The following CDH13 variants were observed in gnomAD, a reference collection of about 807,000 sequenced individuals.
The protein encoded by CDH13 is cadherin-13.
CDH13 carries 24 observed loss-of-function variants against 63.8 expected under a neutral mutation model. That is an observed-to-expected ratio of 0.38 (90% CI 0.27 to 0.53). The LOEUF (loss-of-function observed/expected upper bound fraction) is 0.53. Ranked by LOEUF, CDH13 falls within the 20% of genes least tolerant of loss-of-function variation. CDH13 has a pLI of 0.85. For missense variants in CDH13, 1,049 were observed against 903.1 expected (o/e 1.16, Z -2.07); for synonymous variants, 503 against 355.3 (o/e 1.42, Z -4.67).
At chr16:83,175,177 T>A (rs1331092459) in intron 4 of CDH13, among the ~76,000 whole-genome samples, 1 of 152,130 alleles carries the variant, frequency 6.6e-6, no homozygotes, top group Admixed American at 6.6e-5. Flanking sequence ...CTATTCTAGA[T>A]GCTTTATTCT....
At chr16:83,143,376 C>A (rs1395938381) in intron 4 of CDH13, among the ~76,000 whole-genome samples, 1 of 152,016 alleles carries the variant, frequency 6.6e-6, no homozygotes, top group African/African-American at 2.4e-5. Flanking sequence ...AATATGTATT[C>A]ATATACATAC....
chr16:82,639,487 T>C (rs1909120003), intron 1 of CDH13: 1 of 1,467,794 alleles, frequency 6.8e-7, no homozygotes, highest in African/African-American at 1.4e-5. Flanking sequence ...TGCTGCTGTG[T>C]CGTGTGGCTG....
At chr16:82,910,941 G>C (rs1254960808) in intron 2 of CDH13, among the ~76,000 whole-genome samples, 1 of 152,054 alleles carries the variant, frequency 6.6e-6, no homozygotes, top group Non-Finnish European at 1.5e-5. Context: ...ACATGACAGG[G>C]GTTTCTTTGA....
At chr16:82,999,529 C>G (rs1912632257) in intron 2 of CDH13, among the ~76,000 whole-genome samples, 1 of 148,850 alleles carries the variant, frequency 6.7e-6, no homozygotes, top group South Asian at 2.1e-4. Context: ...CCATAAAACA[C>G]TGGAAAAAAA....
At chr16:83,405,164 G>A (rs894671205) in intron 6 of CDH13, among the ~76,000 whole-genome samples, 11 of 151,900 alleles carry the variant, frequency 7.2e-5, no homozygotes, top group African/African-American at 2.7e-4. Context: ...ACAATTCTAT[G>A]TGCATTCTTT....
At chr16:82,779,846 C>T (rs1386326242) in intron 1 of CDH13, among the ~76,000 whole-genome samples, 3 of 140,752 alleles carry the variant, frequency 2.1e-5, no homozygotes, top group East Asian at 4.1e-4. Context: ...GGTGGGAGGT[C>T]ATGGCTCTCA....
At chr16:83,127,786 A>G (rs901499871) in intron 4 of CDH13, among the ~76,000 whole-genome samples, 72 of 152,136 alleles carry the variant, frequency 4.7e-4, no homozygotes, top group African/African-American at 1.5e-3. Flanking sequence ...TGCTAATCCA[A>G]TATCCTGGTA....
intron 7 of CDH13, among the ~76,000 whole-genome samples, chr16:83,500,206 G>A (rs963241289): frequency 1.3e-5 from 2 of 150,006 alleles, no homozygotes; most frequent in African/African-American, 4.9e-5. Flanking sequence ...TATCACATTT[G>A]AATTCAGACA....
intron 10 of CDH13, among the ~76,000 whole-genome samples, chr16:83,707,986 C>T (rs890305819): frequency 6.6e-6 from 1 of 152,244 alleles, no homozygotes; most frequent in Admixed American, 6.5e-5. Context: ...GCTTAAGCAG[C>T]AGCTGCCACC....
chr16:82,650,466 G>A (rs369399511), intron 1 of CDH13, among the ~76,000 whole-genome samples: 204 of 152,244 alleles, frequency 1.3e-3, no homozygotes, highest in African/African-American at 4.7e-3. Context: ...GGAGAAGCCT[G>A]CACACCACAG....
At chr16:82,818,277 G>A (rs760492349) in intron 1 of CDH13, among the ~76,000 whole-genome samples, 4 of 152,010 alleles carry the variant, frequency 2.6e-5, no homozygotes, top group African/African-American at 7.2e-5. Context: ...GAAGTTGCCC[G>A]GCCAAGGTCA....
chr16:83,218,877 A>C (rs1234254050), intron 5 of CDH13, among the ~76,000 whole-genome samples: 1 of 152,102 alleles, frequency 6.6e-6, no homozygotes, highest in East Asian at 1.9e-4. Flanking sequence ...AATAAGTCTC[A>C]TGAGATCTGA....
chr16:83,675,893 C>A (rs551137725), intron 9 of CDH13, among the ~76,000 whole-genome samples: 3 of 152,162 alleles, frequency 2.0e-5, no homozygotes, highest in Admixed American at 6.5e-5. Flanking sequence ...GAATTACAGT[C>A]AATTCATTCA....
intron 8 of CDH13, among the ~76,000 whole-genome samples, chr16:83,646,056 G>A (rs549531110): frequency 6.6e-6 from 1 of 152,246 alleles, no homozygotes; most frequent in East Asian, 1.9e-4. Context: ...GTATGGGTTG[G>A]AGCAGTGTCT....
At chr16:83,065,735 A>C (rs1361364904) in intron 3 of CDH13, among the ~76,000 whole-genome samples, 1 of 151,850 alleles carries the variant, frequency 6.6e-6, no homozygotes, top group Non-Finnish European at 1.5e-5. Context: ...AAAACAAAAA[A>C]AAAAAAACAA....
chr16:82,929,510 G>C (rs35555100), intron 2 of CDH13, among the ~76,000 whole-genome samples: 19,351 of 151,408 alleles, frequency 0.13, 1,471 homozygotes, highest in Middle Eastern at 0.17. Context: ...AAATTAGCTG[G>C]GCATGGTAGT....
intron 7 of CDH13, among the ~76,000 whole-genome samples, chr16:83,569,199 G>A (rs540795398): frequency 2.6e-5 from 4 of 151,646 alleles, no homozygotes; most frequent in East Asian, 1.9e-4. Context: ...TCCTTCCCTC[G>A]TCCACCTGGG....
intron 1 of CDH13, among the ~76,000 whole-genome samples, chr16:82,749,482 TC>T (rs1317984090): frequency 1.3e-5 from 2 of 152,142 alleles, no homozygotes; most frequent in East Asian, 3.9e-4. Flanking sequence ...GGTTCGGAAC[TC>T]ATCTATTCCT....
At chr16:83,092,106 C>G (rs1359406546) in intron 3 of CDH13, among the ~76,000 whole-genome samples, 1 of 152,182 alleles carries the variant, frequency 6.6e-6, no homozygotes, top group African/African-American at 2.4e-5. Context: ...TAATTCATAT[C>G]ACTGCATTCA....
Sources: allele counts gnomAD v4.1 joint callset (sites outside exome capture counted in the v4.1 genomes callset), GRCh38; gene constraint gnomAD v4.1.1; transcripts MANE v1.5; gene names NCBI Gene and HGNC (gene_info 2026-07-23, HGNC 2026-07-21).